CCDC171: variants seen among roughly 807,000 people sequenced by gnomAD.
CCDC171 encodes the protein coiled-coil domain-containing protein 171.
CCDC171 carries 177 observed loss-of-function variants against 168.2 expected under a neutral mutation model. The observed-to-expected ratio is 1.05, with a 90% CI of 0.93 to 1.19. The LOEUF is 1.19. Among genes scored for constraint, CCDC171 ranks in the 50% most tolerant of loss-of-function variants. The pLI, the probability that CCDC171 is intolerant of heterozygous loss-of-function variation, is 0.00. For synonymous variants in CCDC171, 687 were observed against 540.8 expected (o/e 1.27, Z -3.75); for missense variants, 1,991 against 1,539.0 (o/e 1.29, Z -4.91).
At chr9:15,938,200 A>G (rs549325814) in intron 25 of CCDC171, among the ~76,000 whole-genome samples, 4 of 151,984 alleles carry the variant, frequency 2.6e-5, no homozygotes, top group South Asian at 4.2e-4. Context: ...AATTTGCTCA[A>G]TACCATGCTG....
At chr9:15,932,040 C>T (rs760037890) in intron 25 of CCDC171, among the ~76,000 whole-genome samples, 1 of 151,904 alleles carries the variant, frequency 6.6e-6, no homozygotes, top group Non-Finnish European at 1.5e-5. Flanking sequence ...AGTATGATGC[C>T]TGTGGCTTTG....
At chr9:15,704,149 A>G (rs897100759) in intron 11 of CCDC171, among the ~76,000 whole-genome samples, 16 of 152,158 alleles carry the variant, frequency 1.1e-4, no homozygotes, top group South Asian at 4.2e-4. Flanking sequence ...GTATGTTAGG[A>G]TATCTTTGAG....
At chr9:15,702,967 G>A (rs555763331) in intron 11 of CCDC171, among the ~76,000 whole-genome samples, 2 of 150,670 alleles carry the variant, frequency 1.3e-5, no homozygotes, top group African/African-American at 4.9e-5. Flanking sequence ...GCAGTGGCGC[G>A]ATCTCTGCTC....
chr9:15,590,700 TCTA>T (rs1012958687), intron 4 of CCDC171, among the ~76,000 whole-genome samples: 1 of 152,212 alleles, frequency 6.6e-6, no homozygotes, highest in Non-Finnish European at 1.5e-5. Context: ...AAATTTGTAA[TCTA>T]CTCTTTTTAA....
At chr9:15,603,359 A>T (rs1376786851) in intron 6 of CCDC171, among the ~76,000 whole-genome samples, 1 of 152,148 alleles carries the variant, frequency 6.6e-6, no homozygotes, top group African/African-American at 2.4e-5. Flanking sequence ...TCACCTAGGT[A>T]TTAAGCTCAG....
chr9:15,891,960 C>T (rs572896800), intron 24 of CCDC171, among the ~76,000 whole-genome samples: 1 of 152,258 alleles, frequency 6.6e-6, no homozygotes, highest in South Asian at 2.1e-4. Flanking sequence ...CTGAATAGAT[C>T]ACTAACCTTG....
At chr9:15,610,334 C>T (rs915968026) in intron 6 of CCDC171, among the ~76,000 whole-genome samples, 9 of 149,728 alleles carry the variant, frequency 6.0e-5, no homozygotes, top group East Asian at 5.9e-4. Context: ...CGGCTGGGCG[C>T]GATGGCTCAT....
At chr9:16,062,957 C>A (rs1211211371), downstream of CCDC171, among the ~76,000 whole-genome samples, 1 of 152,028 alleles carries the variant, frequency 6.6e-6, no homozygotes, top group African/African-American at 2.4e-5. Context: ...AATAGTGAAA[C>A]CGAAGATGGG....
At chr9:15,646,805 G>A (rs1053655942) in intron 7 of CCDC171, among the ~76,000 whole-genome samples, 1 of 152,150 alleles carries the variant, frequency 6.6e-6, no homozygotes, top group African/African-American at 2.4e-5. Context: ...AATAATGGGA[G>A]ACTTTAACAC....
intron 18 of CCDC171, among the ~76,000 whole-genome samples, chr9:15,772,376 T>A (rs1390510888): frequency 6.8e-6 from 1 of 147,038 alleles, no homozygotes; most frequent in Non-Finnish European, 1.5e-5. Context: ...TTTTCTGGGC[T>A]GTTTTGCCCA....
intron 7 of CCDC171, among the ~76,000 whole-genome samples, chr9:15,631,855 G>A (rs1460108490): frequency 6.6e-6 from 1 of 152,272 alleles, no homozygotes; most frequent in South Asian, 2.1e-4. Context: ...GGGATGCAAG[G>A]CTGTTTCAAT....
chr9:15,623,475 G>GCGCGCGCGCGCACACACACACACACACA, intron 7 of CCDC171, 62 bp downstream of exon 7: 26 of 315,466 alleles, frequency 8.2e-5, no homozygotes, highest in East Asian at 3.1e-4. Context: ...GCGCGCGCGC[G>GCGCGCGCGCGCACACACACACACACACA]CACACACACA....
chr9:15,812,622 G>A (rs1343799546), intron 21 of CCDC171, among the ~76,000 whole-genome samples: 1 of 152,118 alleles, frequency 6.6e-6, no homozygotes, highest in East Asian at 1.9e-4. Flanking sequence ...GGATAAAGAA[G>A]AACCTCCCAG....
chr9:15,769,717 C>T lies in CCDC171; in HGVS notation c.2672-7883C>T, dbSNP rs184337410. Among the ~76,000 whole-genome samples, 264 of 152,254 alleles carry T rather than the reference C, an allele frequency of 1.7e-3. 1 individual carries two copies. Among genetic ancestry groups the T allele is most frequent in the South Asian group, 0.017 (81 of 4,816 alleles). Reference sequence around the variant, plus strand: ...CCAACGGATGCTGGTGCAGTGCAGCCGGCCAAGTGAAAGGACAACTCTGCA... The same window carrying T: ...CCAACGGATGCTGGTGCAGTGCAGCTGGCCAAGTGAAAGGACAACTCTGCA... On this transcript the variant is annotated intron_variant, in intron 18 of 25. Transcript: ENST00000380701.
At chr9:15,903,916 A>C (rs1321419917) in intron 24 of CCDC171, among the ~76,000 whole-genome samples, 4 of 152,212 alleles carry the variant, frequency 2.6e-5, no homozygotes, top group Admixed American at 2.6e-4. Context: ...AACTGGAAGA[A>C]AGGGTATCAG....
intron 25 of CCDC171, among the ~76,000 whole-genome samples, chr9:15,941,072 T>G (rs1326496786): frequency 6.6e-6 from 1 of 151,978 alleles, no homozygotes; most frequent in African/African-American, 2.4e-5. Flanking sequence ...TCCATGCCAC[T>G]TAAAGGTGTC....
chr9:15,987,657 G>A (rs1832037156), intron 3 of CCDC171, among the ~76,000 whole-genome samples: 2 of 148,236 alleles, frequency 1.3e-5, no homozygotes, highest in African/African-American at 5.0e-5. Context: ...GTGAGATGGA[G>A]TTACATATAT....
chr9:15,727,146 A>G (rs4741535), intron 14 of CCDC171, among the ~76,000 whole-genome samples: 57,049 of 151,822 alleles, frequency 0.38, 12,708 homozygotes, highest in East Asian at 0.65. Context: ...ATGAGCAGCT[A>G]TATCCATTTT....
chr9:15,896,572 A>G (rs1820926175), intron 24 of CCDC171, among the ~76,000 whole-genome samples: 1 of 152,056 alleles, frequency 6.6e-6, no homozygotes, highest in South Asian at 2.1e-4. Flanking sequence ...ACATCAAGTC[A>G]GTTTACAATT....
Sources: gnomAD v4.1 joint callset for allele counts (sites outside exome capture counted in the v4.1 genomes callset) on GRCh38, gnomAD v4.1.1 for gene constraint, MANE v1.5 for transcripts, NCBI Gene and HGNC (gene_info 2026-07-23, HGNC 2026-07-21) for gene names.